The following RP1 variants were observed in gnomAD, a reference collection of about 807,000 sequenced individuals.
RP1 encodes RP1 axonemal microtubule associated, also known as oxygen-regulated protein 1.
RP1 carries 16 observed loss-of-function variants against 14.8 expected under a neutral mutation model. The ratio of observed to expected loss-of-function variants is 1.08; its 90% CI spans 0.73 to 1.65. The LOEUF (loss-of-function observed/expected upper bound fraction) is 1.65. Among genes scored for constraint, RP1 ranks in the 40% most tolerant of loss-of-function variants. RP1 has a pLI of 0.00. For synonymous variants in RP1, 876 were observed against 883.6 expected, an observed-to-expected ratio of 0.99 and a Z score of 0.15; for missense variants, 2,631 against 2,535.0, an observed-to-expected ratio of 1.04 and a Z score of -0.81.
intron 12 of RP1, chr8:54,696,859 A>G: frequency 1.3e-6 from 1 of 758,856 alleles, no homozygotes; most frequent in Non-Finnish European, 2.4e-6. Flanking sequence ...TCATTTTGAA[A>G]TGTGGACAAG....
chr8:54,755,744 A>T, exon 21 of RP1: 1 of 1,526,996 alleles, frequency 6.5e-7, no homozygotes, highest in South Asian at 1.2e-5. Flanking sequence ...CAAATCTAAC[A>T]TGCAAGTAAA....
intron 24 of RP1, among the ~76,000 whole-genome samples, chr8:54,831,506 T>C (rs756365810): frequency 6.6e-6 from 1 of 151,182 alleles, no homozygotes; most frequent in Non-Finnish European, 1.5e-5. Flanking sequence ...CAATATGCAT[T>C]CTTATCACAT....
chr8:54,684,482 T>C (rs536918588), intron 12 of RP1, among the ~76,000 whole-genome samples: 1 of 152,196 alleles, frequency 6.6e-6, no homozygotes, highest in African/African-American at 2.4e-5. Flanking sequence ...ACTGCCTCAA[T>C]TTCAGAACTC....
intron 24 of RP1, among the ~76,000 whole-genome samples, chr8:54,814,456 C>T (rs1472496328): frequency 6.6e-6 from 1 of 152,142 alleles, no homozygotes; most frequent in Non-Finnish European, 1.5e-5. Flanking sequence ...GCTGGTTTTT[C>T]TGTAGAGAAC....
intron 24 of RP1, among the ~76,000 whole-genome samples, chr8:54,801,302 G>A (rs1810700266): frequency 6.6e-6 from 1 of 152,154 alleles, no homozygotes; most frequent in African/African-American, 2.4e-5. Context: ...GGGTGGGGCA[G>A]TTGTACGTTC....
chr8:54,680,280 C>A (rs959162551), intron 12 of RP1, among the ~76,000 whole-genome samples: 1 of 151,976 alleles, frequency 6.6e-6, no homozygotes, highest in African/African-American at 2.4e-5. Flanking sequence ...AAGACAAATA[C>A]AACAATTCTA....
chr8:54,811,566 ATATG>A (rs1221173720), intron 24 of RP1, among the ~76,000 whole-genome samples: 1 of 152,228 alleles, frequency 6.6e-6, no homozygotes, highest in African/African-American at 2.4e-5. Flanking sequence ...AAGTCGTGTC[ATATG>A]TATGCTTCTT....
At chr8:54,583,168 C>T (rs192367667) in intron 1 of RP1, among the ~76,000 whole-genome samples, 7 of 152,224 alleles carry the variant, frequency 4.6e-5, no homozygotes, top group Admixed American at 1.3e-4. Context: ...TTTTGAGATA[C>T]GTCCTATCAA....
intron 27 of RP1, among the ~76,000 whole-genome samples, chr8:54,858,893 G>C (rs905514807): frequency 6.6e-6 from 1 of 152,080 alleles, no homozygotes; most frequent in African/African-American, 2.4e-5. Context: ...TGTTACTGTA[G>C]AGGAGTGTCA....
chr8:54,618,897 G>C (rs746327901), intron 1 of RP1, among the ~76,000 whole-genome samples: 3 of 152,186 alleles, frequency 2.0e-5, no homozygotes, highest in Non-Finnish European at 2.9e-5. Flanking sequence ...CTAACCTCGG[G>C]TGATCTACCC....
At chr8:54,857,634 G>GTGTGTGCATGCA (rs893863926) in intron 27 of RP1, among the ~76,000 whole-genome samples, 2 of 152,150 alleles carry the variant, frequency 1.3e-5, no homozygotes, top group African/African-American at 4.8e-5. Flanking sequence ...AAAAGCTTTG[G>GTGTGTGCATGCA]TGTGTGCATG....
Position 54,576,859 on chromosome 8 carries a change from G to C in RP1, c.-13+17539G>C, listed in dbSNP as rs553090965. Among the ~76,000 whole-genome samples, 243 of 152,274 alleles carry C rather than the reference G, an allele frequency of 1.6e-3. 1 individual carries two copies. Among genetic ancestry groups the C allele is most frequent in the Admixed American group, 2.4e-3 (37 of 15,294 alleles). ...TGGTTGGCAATTCTAGGTGTGGACG[G>C]TGCTTTCTGTTGCCCCAGGTTAAAT... On this transcript the variant is annotated intron_variant, in intron 1 of 22. Transcript: ENST00000636932.
intron 3 of RP1, among the ~76,000 whole-genome samples, chr8:54,638,032 G>A (rs1806383872): frequency 6.6e-6 from 1 of 152,056 alleles, no homozygotes; most frequent in African/African-American, 2.4e-5. Flanking sequence ...TTGTCATCCT[G>A]AGCTATCCCT....
At chr8:54,644,492 G>C (rs1004237188) in intron 3 of RP1, among the ~76,000 whole-genome samples, 2 of 152,136 alleles carry the variant, frequency 1.3e-5, no homozygotes, top group Non-Finnish European at 2.9e-5. Flanking sequence ...AGGACACAAG[G>C]GTTCTTCTCC....
chr8:54,836,621 C>A (rs1265387862), intron 24 of RP1, among the ~76,000 whole-genome samples: 1 of 152,170 alleles, frequency 6.6e-6, no homozygotes, highest in Non-Finnish European at 1.5e-5. Flanking sequence ...ATCCTGCTAA[C>A]AGCGTGAATA....
chr8:54,643,847 T>A (rs1329732226), intron 3 of RP1, among the ~76,000 whole-genome samples: 1 of 152,138 alleles, frequency 6.6e-6, no homozygotes, highest in Non-Finnish European at 1.5e-5. Flanking sequence ...ATCTCTTCTC[T>A]TCCTATAAGG....
At chr8:54,686,730 C>T (rs944264885) in intron 12 of RP1, among the ~76,000 whole-genome samples, 32 of 152,122 alleles carry the variant, frequency 2.1e-4, no homozygotes, top group Non-Finnish European at 3.7e-4. Flanking sequence ...ACACTGAACC[C>T]TTGATGGCTA....
At chr8:54,844,895 TGAG>T (rs1456242362) in intron 25 of RP1, among the ~76,000 whole-genome samples, 1 of 152,118 alleles carries the variant, frequency 6.6e-6, no homozygotes, top group African/African-American at 2.4e-5. Context: ...GTAAAGGAGA[TGAG>T]GAGGCATTCT....
intron 25 of RP1, among the ~76,000 whole-genome samples, chr8:54,850,375 A>G (rs1239857391): frequency 1.3e-5 from 2 of 152,196 alleles, no homozygotes; most frequent in African/African-American, 2.4e-5. Context: ...CTCTTCTTAC[A>G]TATTTTAGAC....
Sources: allele counts gnomAD v4.1 joint callset (sites outside exome capture counted in the v4.1 genomes callset), GRCh38; gene constraint gnomAD v4.1.1; transcripts MANE v1.5; gene names NCBI Gene and HGNC (gene_info 2026-07-23, HGNC 2026-07-21).